Variants in PPP4R2 observed in about 807,000 individuals in gnomAD.
PPP4R2 encodes the protein protein phosphatase 4 regulatory subunit 2.
A neutral mutation model predicts 47.2 loss-of-function variants in PPP4R2; 13 were observed. The observed-to-expected ratio is 0.28, with a 90% CI of 0.18 to 0.44. PPP4R2 has a LOEUF of 0.44. Ranked by LOEUF, PPP4R2 falls within the 20% of genes least tolerant of loss-of-function variation. PPP4R2 has a pLI of 1.00. For missense variants in PPP4R2, 421 were observed against 491.2 expected (o/e 0.86, Z 1.35); for synonymous variants, 151 against 163.3 (o/e 0.92, Z 0.57).
chr3:73,041,889 A>G (rs1441577576), intron 2 of PPP4R2, among the ~76,000 whole-genome samples: 1 of 152,248 alleles, frequency 6.6e-6, no homozygotes, highest in Non-Finnish European at 1.5e-5. Flanking sequence ...TGTGAGAGAA[A>G]CATGTTTGAA....
intron 2 of PPP4R2, among the ~76,000 whole-genome samples, chr3:72,999,089 A>G (rs774418717): frequency 6.6e-6 from 1 of 152,214 alleles, no homozygotes; most frequent in Admixed American, 6.5e-5. Flanking sequence ...TAATTTTAGA[A>G]AGAAAAAAAC....
At position 73,020,390 on chromosome 3, in the gene PPP4R2, G is replaced by C. The variant is rs1441287075; in HGVS notation, c.116+22232G>C. ...AACATTATTTTGGCCAGTTGTGGTG[G>C]GTGGCTCACGCCTGTAATCCCAACA... On this transcript the variant is annotated intron_variant, in intron 2 of 8. Coordinates refer to ENST00000356692, the MANE Select transcript of PPP4R2 (RefSeq NM_174907.4). Among the ~76,000 whole-genome samples, 3 of 152,088 alleles carry C rather than the reference G, an allele frequency of 2.0e-5. No homozygotes were observed. The East Asian group carries it at 5.8e-4, about 29-fold the overall frequency.
intron 3 of PPP4R2, among the ~76,000 whole-genome samples, chr3:73,057,178 A>G (rs866346104): frequency 1.3e-5 from 2 of 152,092 alleles, no homozygotes; most frequent in East Asian, 1.9e-4. Context: ...ACGGACAGAC[A>G]ATTGAGAAAC....
chr3:73,027,039 C>T (rs1358313062), intron 2 of PPP4R2, among the ~76,000 whole-genome samples: 3 of 152,172 alleles, frequency 2.0e-5, no homozygotes. Context: ...GTTAATATGT[C>T]CAAAGTGCTT....
At chr3:73,040,561 G>C (rs1702357561) in intron 2 of PPP4R2, among the ~76,000 whole-genome samples, 1 of 145,594 alleles carries the variant, frequency 6.9e-6, no homozygotes, top group Non-Finnish European at 1.5e-5. Context: ...GTGCAGTGCA[G>C]TGGCATAACC....
intron 2 of PPP4R2, among the ~76,000 whole-genome samples, chr3:73,002,987 AAGAACAC>A (rs1701509846): frequency 6.6e-6 from 1 of 152,016 alleles, no homozygotes; most frequent in Non-Finnish European, 1.5e-5. Context: ...TGGTTCTCTC[AAGAACAC>A]AGGCAGGGTA....
At chr3:73,023,465 C>T (rs905179037) in intron 2 of PPP4R2, among the ~76,000 whole-genome samples, 13 of 152,184 alleles carry the variant, frequency 8.5e-5, no homozygotes, top group Non-Finnish European at 1.8e-4. Context: ...GGATTAGAGG[C>T]ATGAGCCACA....
intron 3 of PPP4R2, among the ~76,000 whole-genome samples, chr3:73,048,924 G>C (rs1001916354): frequency 1.3e-5 from 2 of 152,130 alleles, no homozygotes; most frequent in Non-Finnish European, 2.9e-5. Context: ...AAAATATTTT[G>C]TGGGGGAGAA....
rs1575896967 is a variant in PPP4R2 at position 73,066,233 on chromosome 3, T to TACAC, written c.*514_*515insCACA. ...GTACAATGGAACTTTAAGTCATATA[T>TACAC]ACATACATATATATATATATATATA... On this transcript the variant is annotated 3_prime_UTR_variant, in exon 9 of 9. Coordinates refer to ENST00000356692, the MANE Select transcript of PPP4R2 (RefSeq NM_174907.4). The TACAC allele has an allele frequency of 9.2e-6, 1 of 108,604 alleles. No individual in the cohort carries two copies. The highest frequency in any genetic ancestry group is 2.5e-4 in the East Asian group (1 of 3,952). The allele number at this position is 108,604 out of a possible 1,614,324, so 6.7% of individuals were successfully genotyped here. A position where few individuals can be genotyped will look rare whatever the true frequency, so the allele number is the denominator to read the frequency against.
intron 2 of PPP4R2, among the ~76,000 whole-genome samples, chr3:73,004,958 TGTGTG>T (rs1701572047): frequency 6.9e-6 from 1 of 145,540 alleles, no homozygotes; most frequent in Admixed American, 6.8e-5. Context: ...TGTGTGTGTG[TGTGTG>T]TGTGTGTGTG....
rs746872265 is a variant in PPP4R2, at chr3:73,065,040, C to A, written c.827C>A (p.Thr276Lys). The stretch of plus-strand genomic sequence containing the variant: ...ATTTCTTCAGTTATGGTAGGAGAAA[C>A]AGAAGCATCATCTTCATCTCAGGAT... ...SEISSVMVGE[T>K]EASSSSQDKD... Residue 276 changes from threonine to lysine, a missense_variant, in exon 8 of 9, where the codon ACA (threonine) becomes AAA (lysine). This residue lies in a region of PPP4R2 where 317 missense variants were observed against 287.5 expected (regional missense o/e 1.10). Transcript: ENST00000356692. 6.2e-7 allele frequency: 1 copy of A among 1,613,808 alleles called. No individual in the cohort carries two copies. Among genetic ancestry groups the A allele is most frequent in the African/African-American group, 1.3e-5 (1 of 74,892 alleles).
intron 2 of PPP4R2, among the ~76,000 whole-genome samples, chr3:73,043,005 A>G (rs1416000934): frequency 6.6e-6 from 1 of 152,046 alleles, no homozygotes; most frequent in Non-Finnish European, 1.5e-5. Flanking sequence ...CTTTTTTTGG[A>G]CCGCAAACAT....
In PPP4R2 at chr3:73,065,672, A is replaced by C. The variant is rs1702979726; in HGVS notation, c.1204A>C (p.Asn402His). The C allele has an allele frequency of 1.8e-5, 29 of 1,610,428 alleles. No individual in the cohort carries two copies. Among genetic ancestry groups the C allele is most frequent in the Non-Finnish European group, 2.5e-5 (29 of 1,177,024 alleles). The change falls in exon 9 of 9, where the codon AAT becomes CAT. Residue 402 changes from asparagine (N) to histidine (H), a missense_variant. Physicochemically the swap from Asn to His is moderately conservative, Grantham distance 68. Coordinates refer to ENST00000356692, the MANE Select transcript of PPP4R2 (RefSeq NM_174907.4). ...GATTCTTTCAGAATCATCCATGGAA[A>C]ATGATGACGAAGCCACAGAAGTCAC... ...GEILSESSMENDDEATEVTDE... is the reference protein window; with the variant it reads ...GEILSESSMEHDDEATEVTDE...
intron 2 of PPP4R2, among the ~76,000 whole-genome samples, chr3:73,034,990 T>G (rs183123994): frequency 3.2e-4 from 48 of 152,136 alleles, no homozygotes; most frequent in African/African-American, 1.1e-3. Context: ...GAAGAGTCAG[T>G]AGAGTGAAGA....
At chr3:73,002,589 G>C (rs1244694049) in intron 2 of PPP4R2, among the ~76,000 whole-genome samples, 1 of 149,680 alleles carries the variant, frequency 6.7e-6, no homozygotes, top group Non-Finnish European at 1.5e-5. Flanking sequence ...CAGTAAACAT[G>C]GGAGTGCACA....
At chr3:73,016,894 A>C (rs1228749738) in intron 2 of PPP4R2, among the ~76,000 whole-genome samples, 1 of 123,128 alleles carries the variant, frequency 8.1e-6, no homozygotes, top group Non-Finnish European at 1.6e-5. Context: ...TGAAACCTCC[A>C]CCTCCCACTG....
At chr3:73,057,302 T>TA (rs1171164951) in intron 3 of PPP4R2, among the ~76,000 whole-genome samples, 1 of 152,116 alleles carries the variant, frequency 6.6e-6, no homozygotes, top group African/African-American at 2.4e-5. Flanking sequence ...AAACAAAAGA[T>TA]GTATAAGCTT....
chr3:73,059,468 T>C (rs1297704081), intron 4 of PPP4R2, among the ~76,000 whole-genome samples: 2 of 152,250 alleles, frequency 1.3e-5, no homozygotes, highest in East Asian at 3.8e-4. Context: ...ACACATGGAA[T>C]TCATTTTCTC....
chr3:73,053,924 A>AAAAG (rs1339701674), intron 3 of PPP4R2, among the ~76,000 whole-genome samples: 2 of 150,866 alleles, frequency 1.3e-5, no homozygotes, highest in African/African-American at 2.4e-5. Flanking sequence ...AAAAAAAAAA[A>AAAAG]GCGAAATCTG....
Sources: allele counts gnomAD v4.1 joint callset (sites outside exome capture counted in the v4.1 genomes callset), GRCh38; gene constraint gnomAD v4.1.1; regional missense constraint gnomAD v4.1.1; transcripts MANE v1.5; gene names NCBI Gene and HGNC (gene_info 2026-07-23, HGNC 2026-07-21).